The following FN1 variants were observed in gnomAD, a reference collection of about 807,000 sequenced individuals.
The protein encoded by FN1 is fibronectin.
FN1 carries 106 observed loss-of-function variants against 297.3 expected under a neutral mutation model. The ratio of observed to expected loss-of-function variants is 0.36; its 90% CI spans 0.30 to 0.42. The LOEUF is 0.42. Ranked by LOEUF, FN1 falls within the 10% of genes least tolerant of loss-of-function variation. The pLI, the probability that FN1 is intolerant of heterozygous loss-of-function variation, is 1.00. For synonymous variants in FN1, 1,149 were observed against 1,152.6 expected (o/e 1.00, Z 0.06); for missense variants, 2,690 against 3,124.9 (o/e 0.86, Z 3.32).
In FN1 at chr2:215,368,076, T is replaced by G. The variant is rs181103896; in HGVS notation, c.6854-49A>C. The G allele has an allele frequency of 9.3e-5, 148 of 1,589,384 alleles. 1 individual carries two copies. Among genetic ancestry groups the G allele is most frequent in the Admixed American group, 5.7e-4 (34 of 59,608 alleles). ...CAAAAAGAGACATCTTATTAATCGA[T>G]TTGGACCATAAGAAGAAAATCGAAT... On this transcript the variant is annotated intron_variant, in intron 41 of 45. Transcript: ENST00000354785.
intron 20 of FN1, among the ~76,000 whole-genome samples, chr2:215,401,250 G>GAAAAAAA (rs1559475802): frequency 0.03 from 1,359 of 44,664 alleles, 93 homozygotes; most frequent in African/African-American, 0.095. Context: ...AAGAAAGAAA[G>GAAAAAAA]GAAGAAAGAA....
Position 215,435,985 on chromosome 2 carries a change from G to C in FN1, c.-183C>G. 7.5e-7 allele frequency: 1 copy of C among 1,335,328 alleles called. No individual in the cohort carries two copies. Among genetic ancestry groups the C allele is most frequent in the South Asian group, 1.6e-5 (1 of 63,706 alleles). 82.7% of individuals were successfully genotyped at this position (1,335,328 alleles called of 1,614,324 possible). A position where few individuals can be genotyped will look rare whatever the true frequency, so the allele number is the denominator to read the frequency against. ...GGGACAGAAGGGATGCAGAGGACCA[G>C]AGAAGTTGTGGCTGCAGGTCCCCTC... is the stretch of plus-strand genomic sequence containing the variant. On this transcript the variant is annotated 5_prime_UTR_variant, in exon 1 of 46. Coordinates refer to ENST00000354785, the MANE Select transcript of FN1 (RefSeq NM_212482.4).
At chr2:215,425,436 C>A in intron 6 of FN1, 151 bp from the exon 7 acceptor site, 1 of 784,290 alleles carries the variant, frequency 1.3e-6, no homozygotes, top group Non-Finnish European at 2.2e-6. Context: ...CCTTATTCAG[C>A]AGTAGCTTTT....
chr2:215,384,644 G>A (rs751609438), intron 29 of FN1: 24 of 495,300 alleles, frequency 4.8e-5, no homozygotes, highest in African/African-American at 7.7e-5. Context: ...CAGCTCTGCC[G>A]TTCCCCCTCT....
Position 215,410,009 on chromosome 2 carries a change from T to C in FN1, c.2047A>G (p.Ser683Gly), listed in dbSNP as rs1575645442. 8 of 1,614,098 alleles carry C rather than the reference T, an allele frequency of 5.0e-6. No individual in the cohort carries two copies. In the African/African-American group the frequency reaches 6.7e-5, roughly 13 times the overall value. The change falls in exon 14 of 46, where the codon AGC (serine) becomes GGC (glycine). Residue 683 changes from serine to glycine, a missense_variant. Ser to Gly is a moderately conservative substitution (Grantham distance 56). Around this residue, in one of 3 missense-constraint regions of FN1, gnomAD observed 876 missense variants for 1,058.1 expected, o/e 0.83. Coordinates refer to ENST00000354785, the MANE Select transcript of FN1 (RefSeq NM_212482.4). ...TCTTGGTGGCCGTACTGCTGGATGC[T>C]GATGAGCTGGCCCTCGTATACCACA... is the stretch of plus-strand genomic sequence containing the variant. Reference protein sequence around the residue: ...PGVVYEGQLISIQQYGHQEVT... With the variant: ...PGVVYEGQLIGIQQYGHQEVT...
chr2:215,366,950 TCTATA>T (rs2054751047), intron 42 of FN1, among the ~76,000 whole-genome samples: 1 of 152,232 alleles, frequency 6.6e-6, no homozygotes, highest in East Asian at 1.9e-4. Context: ...AACATGGAAG[TCTATA>T]TTGAAAACAC....
At chr2:215,397,248 G>C in intron 22 of FN1, 25 bp from the exon 23 acceptor site, 1 of 1,545,966 alleles carries the variant, frequency 6.5e-7, no homozygotes, top group Non-Finnish European at 8.9e-7. Flanking sequence ...CATTTTAAAA[G>C]TCAAAGCTGA....
chr2:215,373,052 C>T (rs973646859), intron 39 of FN1, among the ~76,000 whole-genome samples: 6 of 152,000 alleles, frequency 3.9e-5, no homozygotes, highest in Non-Finnish European at 8.8e-5. Context: ...TCTTCTTTTA[C>T]ATTTTAACAT....
At chr2:215,381,696 A>G (rs2058235458) in intron 32 of FN1, 1 of 205,894 alleles carries the variant, frequency 4.9e-6, no homozygotes, top group South Asian at 8.1e-5. Flanking sequence ...CTGGTCTCGA[A>G]CTCCTGACCT....
intron 20 of FN1, among the ~76,000 whole-genome samples, chr2:215,400,939 T>A (rs2060936283): frequency 6.6e-6 from 1 of 150,694 alleles, no homozygotes; most frequent in South Asian, 2.1e-4. Context: ...GGGACTACAG[T>A]TGCCCACCAC....
intron 6 of FN1, among the ~76,000 whole-genome samples, chr2:215,427,025 G>A (rs1299302015): frequency 6.6e-6 from 1 of 151,852 alleles, no homozygotes; most frequent in Non-Finnish European, 1.5e-5. Flanking sequence ...ACAGGCGCCC[G>A]CCACAACGCC....
intron 20 of FN1, among the ~76,000 whole-genome samples, chr2:215,401,991 C>G (rs2061232201): frequency 1.3e-5 from 2 of 151,970 alleles, no homozygotes; most frequent in Non-Finnish European, 2.9e-5. Flanking sequence ...CTTTTAGTAC[C>G]TCTGAAATTA....
Position 215,386,962 on chromosome 2 carries a change from T to A in FN1, c.4343-4A>T. The A allele has an allele frequency of 6.2e-7, 1 of 1,609,498 alleles. No individual in the cohort carries two copies. The highest frequency in any genetic ancestry group is 1.8e-4 in the Middle Eastern group (1 of 5,616). ...ATGCCAGTTGGGGAATCAAGACCTG[T>A]TTTTCCCACCCGGGGGAGGAAGAGA... On this transcript the variant is annotated splice_polypyrimidine_tract_variant and splice_region_variant and intron_variant, in intron 27 of 45. Transcript: ENST00000354785.
At chr2:215,363,635 G>T (rs1443327846) in intron 44 of FN1, 1 of 152,192 alleles carries the variant, frequency 6.6e-6, no homozygotes, top group Non-Finnish European at 1.5e-5. Flanking sequence ...ATTGGTTAAT[G>T]CATTTGGCAT....
In FN1 at chr2:215,427,202, G is replaced by C. The variant is rs192777906; in HGVS notation, c.844+978C>G. 7.9e-5 allele frequency among the ~76,000 whole-genome samples: 12 copies of C among 152,142 alleles called. No individual in the cohort carries two copies. In the East Asian group the frequency reaches 2.3e-3, roughly 29 times the overall value. ...TGTTTATAATTTTTTTTGGCCAGTA[G>C]CAATTTTATTAATGATAATAAAATA... On this transcript the variant is annotated intron_variant, in intron 6 of 45. Coordinates refer to ENST00000354785, the MANE Select transcript of FN1 (RefSeq NM_212482.4).
chr2:215,422,092 T>C lies in FN1; in HGVS notation c.1545A>G (p.Arg515=), dbSNP rs1466441639. Residue 515 remains arginine (R), a splice_region_variant and synonymous_variant, in exon 10 of 46, where the codon CGA becomes CGG. Coordinates refer to ENST00000354785, the MANE Select transcript of FN1 (RefSeq NM_212482.4). Reference sequence around the variant, plus strand: ...ATTTTTGTTAATCAGCCAGCATACCTCGAAGCTGCGAGTAGGCAATGCATG... The same window carrying C: ...ATTTTTGTTAATCAGCCAGCATACCCCGAAGCTGCGAGTAGGCAATGCATG... ...EWTCIAYSQL[R]DQCIVDDITY... is the part of the protein sequence containing the mutation. The C allele has an allele frequency of 6.2e-7, 1 of 1,614,174 alleles. No homozygotes were observed. The highest frequency in any genetic ancestry group is 1.7e-5 in the Admixed American group (1 of 60,028).
In FN1 at chr2:215,401,228, AAGAAAGAAAGAAAGAAAGAAAGG is replaced by A. The variant is rs2061021809; in HGVS notation, c.3254-1900_3254-1878del. On this transcript the variant is annotated intron_variant, in intron 20 of 45. Transcript: ENST00000354785. ...AAAGAAAGAAAGAAAGAAAGAAAGA[AAGAAAGAAAGAAAGAAAGAAAGG>A]AAGAAAGAAAGGAAGGAAAGGAAAG... Among the ~76,000 whole-genome samples the A allele has an allele frequency of 6.2e-5, 4 of 64,964 alleles. 1 individual carries two copies. Among genetic ancestry groups the A allele is most frequent in the Non-Finnish European group, 1.1e-4 (3 of 28,424 alleles). 42.6% of individuals were successfully genotyped at this position (64,964 alleles called of 152,430 possible). A position where few individuals can be genotyped will look rare whatever the true frequency, so the allele number is the denominator to read the frequency against.
At chr2:215,407,104 A>G (rs1435888733) in intron 18 of FN1, 23 bp downstream of exon 18, 4 of 1,558,622 alleles carry the variant, frequency 2.6e-6, no homozygotes, top group Admixed American at 3.3e-5. Context: ...ATAACATAGG[A>G]AGTGTCTTCT....
intron 17 of FN1, among the ~76,000 whole-genome samples, chr2:215,407,523 C>G (rs552608994): frequency 1.3e-5 from 2 of 152,234 alleles, no homozygotes; most frequent in African/African-American, 4.8e-5. Flanking sequence ...AACAGTCATG[C>G]GAACCTTTTT....
Sources: gnomAD v4.1 joint callset for allele counts (sites outside exome capture counted in the v4.1 genomes callset) on GRCh38, gnomAD v4.1.1 for gene constraint, gnomAD v4.1.1 regional missense constraint, MANE v1.5 for transcripts, NCBI Gene and HGNC (gene_info 2026-07-23, HGNC 2026-07-21) for gene names.